Variants in SCML2 observed in about 807,000 individuals in gnomAD.
SCML2 encodes the protein sex comb on midleg-like protein 2.
In SCML2, 6 loss-of-function variants were observed where a neutral mutation model predicts 48.4. The ratio of observed to expected loss-of-function variants is 0.12; its 90% confidence interval spans 0.07 to 0.24. The LOEUF (loss-of-function observed/expected upper bound fraction) is 0.24, where lower values mean the gene tolerates loss of function less well. Among genes scored for constraint, SCML2 ranks in the 10% least tolerant of loss-of-function variants. The pLI is 1.00. For synonymous variants in SCML2, 181 were observed against 189.5 expected (o/e 0.95, Z 0.37); for missense variants, 377 against 528.2 (o/e 0.71, Z 2.81).
rs59238513 is a variant in SCML2 at position 18,350,439 on chromosome X, G to A, written c.-25+4153C>T. 6.4e-3 allele frequency among the ~76,000 whole-genome samples: 712 copies of A among 110,611 alleles called. 6 individuals are homozygous for A. Among genetic ancestry groups the A allele is most frequent in the African/African-American group, 0.022 (655 of 30,404 alleles). Reference sequence around the variant, plus strand: ...AAAAATACAAAAATTAGCCAGGCTCGGTGGCGCACGCCTGTAGTCCCAGCT... The same window carrying A: ...AAAAATACAAAAATTAGCCAGGCTCAGTGGCGCACGCCTGTAGTCCCAGCT... On this transcript the variant is annotated intron_variant, in intron 1 of 14. Transcript: ENST00000251900.
intron 1 of SCML2, among the ~76,000 whole-genome samples, chrX:18,339,105 G>A (rs1220879892): frequency 2.7e-5 from 3 of 110,814 alleles, no homozygotes; most frequent in Non-Finnish European, 5.7e-5. Flanking sequence ...ATGAAACTAT[G>A]TTCCAACTTG....
intron 7 of SCML2, among the ~76,000 whole-genome samples, chrX:18,268,858 T>C (rs1927350499): frequency 9.0e-6 from 1 of 111,631 alleles, no homozygotes; most frequent in Non-Finnish European, 1.9e-5. Context: ...TTGGTTCCTA[T>C]GGGACATTTT....
intron 7 of SCML2, among the ~76,000 whole-genome samples, chrX:18,280,794 A>C (rs1927806234): frequency 8.9e-6 from 1 of 112,079 alleles, no homozygotes; most frequent in African/African-American, 3.2e-5. Context: ...ATGATCCAAC[A>C]AGAAGTCTTA....
At chrX:18,255,106 G>A (rs754631281) in intron 11 of SCML2, among the ~76,000 whole-genome samples, 17 of 110,309 alleles carry the variant, frequency 1.5e-4, no homozygotes, top group Non-Finnish European at 3.0e-4. Flanking sequence ...TACCTCTCCT[G>A]AAGAAGGAAA....
chrX:18,262,422 CCTCCA>C (rs1927101542), intron 8 of SCML2, among the ~76,000 whole-genome samples: 1 of 101,797 alleles, frequency 9.8e-6, no homozygotes. Context: ...CTCACTGCAA[CCTCCA>C]CCTCCTGGGT....
intron 7 of SCML2, among the ~76,000 whole-genome samples, chrX:18,274,569 A>G (rs1233315878): frequency 8.9e-6 from 1 of 112,079 alleles, no homozygotes; most frequent in East Asian, 2.8e-4. Context: ...GTGATGCCAC[A>G]TTACCTACAT....
chrX:18,323,450 C>A (rs1472921948), intron 5 of SCML2, among the ~76,000 whole-genome samples: 1 of 111,772 alleles, frequency 8.9e-6, no homozygotes, highest in African/African-American at 3.3e-5. Context: ...GAATCATACC[C>A]TTCCCCTAGG....
intron 2 of SCML2, among the ~76,000 whole-genome samples, chrX:18,331,080 G>A (rs1276702914): frequency 2.8e-5 from 3 of 108,252 alleles, no homozygotes; most frequent in African/African-American, 1.0e-4. Context: ...GCCAACATGC[G>A]AAACCCTGTC....
At chrX:18,252,226 A>G (rs1337677833) in intron 11 of SCML2, among the ~76,000 whole-genome samples, 2 of 112,874 alleles carry the variant, frequency 1.8e-5, no homozygotes, top group Non-Finnish European at 3.7e-5. Flanking sequence ...GCGAGCCAAG[A>G]TCACACCACT....
At chrX:18,342,438 G>A (rs180819510) in intron 1 of SCML2, among the ~76,000 whole-genome samples, 3 of 111,814 alleles carry the variant, frequency 2.7e-5, no homozygotes, top group Non-Finnish European at 3.8e-5. Flanking sequence ...TGGGCCGGGC[G>A]CAGTGGCTCA....
At chrX:18,341,288 G>A (rs1930005643) in intron 1 of SCML2, 2 of 547,700 alleles carry the variant, frequency 3.7e-6, no homozygotes, top group East Asian at 6.7e-5. Flanking sequence ...AGAGATGCAG[G>A]AGAACACCCT....
At chrX:18,329,068 TG>T (rs1929571075) in intron 3 of SCML2, among the ~76,000 whole-genome samples, 1 of 111,569 alleles carries the variant, frequency 9.0e-6, no homozygotes, top group African/African-American at 3.3e-5. Flanking sequence ...GGGATAAAAA[TG>T]TTCTAAAATT....
Position 18,245,415 on chromosome X carries a change from T to C in SCML2, c.1822+1162A>G, listed in dbSNP as rs753114947. 5.3e-5 allele frequency among the ~76,000 whole-genome samples: 6 copies of C among 112,163 alleles called. No homozygotes were observed. The East Asian group carries it at 1.7e-3, about 32-fold the overall frequency. On this transcript the variant is annotated intron_variant, in intron 13 of 14. Transcript: ENST00000251900. The stretch of plus-strand genomic sequence containing the variant: ...TGTGAAAATACTTTAAAATGCAAGG[T>C]ATACTAGCCATTATGGAGTAAGCAT...
At chrX:18,259,260 C>CAA (rs77504930) in intron 9 of SCML2, among the ~76,000 whole-genome samples, 6 of 64,982 alleles carry the variant, frequency 9.2e-5, no homozygotes, top group African/African-American at 1.7e-4. Context: ...GAGACTGTCT[C>CAA]AAAAAAAAAA....
intron 11 of SCML2, among the ~76,000 whole-genome samples, chrX:18,251,786 T>C (rs1226749533): frequency 8.9e-6 from 1 of 112,616 alleles, no homozygotes; most frequent in Non-Finnish European, 1.9e-5. Context: ...GGTTTGTACC[T>C]GAGAGAACAC....
intron 9 of SCML2, among the ~76,000 whole-genome samples, chrX:18,259,589 T>C (rs753356625): frequency 1.8e-5 from 2 of 112,196 alleles, no homozygotes; most frequent in African/African-American, 3.2e-5. Flanking sequence ...GATTTCAATG[T>C]TTTATCTCCT....
rs192322446 is a variant in SCML2, at chrX:18,268,123, C to T, written c.731-2321G>A. On this transcript the variant is annotated intron_variant, in intron 7 of 14. Coordinates refer to ENST00000251900, the MANE Select transcript of SCML2 (RefSeq NM_006089.3). Reference sequence around the variant, plus strand: ...CCAAGTATGTTTCCATGGTAGAAGGCTTTTCCCTATTTAAGTTCCCATCTC... The same window carrying T: ...CCAAGTATGTTTCCATGGTAGAAGGTTTTTCCCTATTTAAGTTCCCATCTC... 1.2e-4 allele frequency among the ~76,000 whole-genome samples: 14 copies of T among 112,374 alleles called. No individual in the cohort carries two copies. In the East Asian group the frequency reaches 3.4e-3, roughly 27 times the overall value.
intron 7 of SCML2, among the ~76,000 whole-genome samples, chrX:18,297,197 ACT>A (rs1207492137): frequency 8.9e-6 from 1 of 111,925 alleles, no homozygotes; most frequent in Admixed American, 9.5e-5. Context: ...ATGATTAAAA[ACT>A]CTCAACAAAC....
At chrX:18,323,532 G>A (rs1371648089) in intron 5 of SCML2, among the ~76,000 whole-genome samples, 1 of 111,317 alleles carries the variant, frequency 9.0e-6, no homozygotes, top group African/African-American at 3.3e-5. Flanking sequence ...TGTATCAAAC[G>A]CTACAAAGTT....
Sources: allele counts gnomAD v4.1 joint callset (sites outside exome capture counted in the v4.1 genomes callset), GRCh38; gene constraint gnomAD v4.1.1; transcripts MANE v1.5; gene names NCBI Gene and HGNC (gene_info 2026-07-23, HGNC 2026-07-21).